DOP1A: variants seen among roughly 807,000 people sequenced by gnomAD.
The protein encoded by DOP1A is DOP1 leucine zipper like protein A, also known as protein DOP1A.
A neutral mutation model predicts 267.6 loss-of-function variants in DOP1A; 90 were observed. The ratio of observed to expected loss-of-function variants is 0.34; its 90% CI spans 0.28 to 0.40. The LOEUF is 0.40. Among genes scored for constraint, DOP1A ranks in the 10% least tolerant of loss-of-function variants. The pLI is 1.00. For synonymous variants in DOP1A, 932 were observed against 999.1 expected, an observed-to-expected ratio of 0.93 and a Z score of 1.27; for missense variants, 2,437 against 2,900.4, an observed-to-expected ratio of 0.84 and a Z score of 3.67.
intron 1 of DOP1A, among the ~76,000 whole-genome samples, chr6:83,068,869 C>T (rs1232520821): frequency 1.3e-5 from 2 of 152,198 alleles, no homozygotes; most frequent in Non-Finnish European, 2.9e-5. Context: ...CTTTCGGCCA[C>T]AACTGATAAC....
Position 83,138,078 on chromosome 6 carries a change from G to A in DOP1A, c.4036G>A (p.Glu1346Lys). ...SCGEGDISEI[E>K]SDMGSPGSRK... ...TGGAGAGGGAGACATTTCTGAAATT[G>A]AGAGTGACATGGGTTCTCCAGGATC... Residue 1346 changes from glutamate (E) to lysine (K), a missense_variant, in exon 21 of 39, where the codon GAG becomes AAG. Physicochemically the swap from Glu to Lys is moderately conservative, Grantham distance 56 (BLOSUM62 1). Around this residue, in one of 9 missense-constraint regions of DOP1A, gnomAD observed 878 missense variants for 992.9 expected, o/e 0.88. Coordinates refer to ENST00000349129, the MANE Select transcript of DOP1A (RefSeq NM_015018.4). The A allele has an allele frequency of 6.2e-7, 1 of 1,613,702 alleles. No homozygotes were observed. The highest frequency in any genetic ancestry group is 8.5e-7 in the Non-Finnish European group (1 of 1,179,802).
chr6:83,162,899 C>T lies in DOP1A; in HGVS notation c.7072C>T (p.Leu2358Phe). 1.2e-6 allele frequency: 2 copies of T among 1,612,550 alleles called. No individual in the cohort carries two copies. The highest frequency in any genetic ancestry group is 2.7e-5 in the African/African-American group (2 of 75,008). The change falls in exon 38 of 39, where the codon CTT becomes TTT. Residue 2358 changes from leucine to phenylalanine, a missense_variant. This residue lies in a region of DOP1A where 197 missense variants were observed against 246.5 expected (regional missense o/e 0.80). Coordinates refer to ENST00000349129, the MANE Select transcript of DOP1A (RefSeq NM_015018.4). Reference protein sequence around the residue: ...FKPYVVRLAKLLRKRAKKNPE... With the variant: ...FKPYVVRLAKFLRKRAKKNPE... ...ACCTTACGTGGTACGACTAGCAAAA[C>T]TTCTTCGGAAAAGAGCAAAGGTATC... is the stretch of plus-strand genomic sequence containing the variant.
chr6:83,159,372 C>T (rs1384615240), intron 36 of DOP1A, among the ~76,000 whole-genome samples: 2 of 151,894 alleles, frequency 1.3e-5, no homozygotes, highest in South Asian at 2.1e-4. Context: ...CTCCCAGGCT[C>T]GGGTGATTCC....
At chr6:83,070,237 C>T (rs182368065) in intron 1 of DOP1A, among the ~76,000 whole-genome samples, 1 of 152,128 alleles carries the variant, frequency 6.6e-6, no homozygotes, top group Non-Finnish European at 1.5e-5. Flanking sequence ...TGGAATAAAA[C>T]TATTAAGTAG....
chr6:83,126,368 C>T (rs1267773966), intron 15 of DOP1A, among the ~76,000 whole-genome samples: 1 of 151,996 alleles, frequency 6.6e-6, no homozygotes, highest in Non-Finnish European at 1.5e-5. Context: ...AGGCTTTAAA[C>T]TGTCTTTGGC....
At chr6:83,161,636 T>C (rs1320352895) in intron 37 of DOP1A, among the ~76,000 whole-genome samples, 1 of 152,196 alleles carries the variant, frequency 6.6e-6, no homozygotes, top group African/African-American at 2.4e-5. Flanking sequence ...CTCCTGAGTT[T>C]CCGATTAAAA....
chr6:83,089,118 T>C (rs1036117329), intron 1 of DOP1A, among the ~76,000 whole-genome samples: 1 of 152,210 alleles, frequency 6.6e-6, no homozygotes, highest in African/African-American at 2.4e-5. Context: ...CTTTTCTCTT[T>C]TCAGCCCTCC....
In DOP1A at chr6:83,141,952, G is replaced by A. The variant is rs1485195018; in HGVS notation, c.5447G>A (p.Gly1816Asp). The A allele has an allele frequency of 2.5e-6, 4 of 1,609,656 alleles. No homozygotes were observed. The highest frequency in any genetic ancestry group is 3.4e-6 in the Non-Finnish European group (4 of 1,178,598). The change falls in exon 24 of 39, where the codon GGC becomes GAC. Residue 1816 changes from glycine to aspartate, a missense_variant. By Grantham distance (94) the Gly-to-Asp change is moderately conservative. Transcript: ENST00000349129. ...NLRQQILELL[G>D]PISMNHGVHF... ...AGACAACAGATTCTTGAATTGTTGG[G>A]CCCCATTTCAATGAATCATGGTGTT...
chr6:83,068,326 GTGT>G (rs1562255338), intron 1 of DOP1A, among the ~76,000 whole-genome samples: 2 of 152,312 alleles, frequency 1.3e-5, no homozygotes, highest in South Asian at 2.1e-4. Flanking sequence ...AGTCAAACGG[GTGT>G]TGTTAACAAT....
At chr6:83,115,219 G>A (rs1282666385) in intron 7 of DOP1A, among the ~76,000 whole-genome samples, 3 of 152,080 alleles carry the variant, frequency 2.0e-5, no homozygotes, top group African/African-American at 4.8e-5. Flanking sequence ...GAAATAGATG[G>A]TGATATCAAT....
intron 15 of DOP1A, among the ~76,000 whole-genome samples, chr6:83,127,209 C>T (rs1777327201): frequency 6.6e-6 from 1 of 152,102 alleles, no homozygotes; most frequent in Non-Finnish European, 1.5e-5. Flanking sequence ...AATTCCAGTC[C>T]TTCTCATTCT....
At position 83,128,938 on chromosome 6, in the gene DOP1A, A is replaced by G. The variant is rs560255652; in HGVS notation, c.1771A>G (p.Asn591Asp). ...NPTEVFEDGE[N>D]PPSSRSSESG... is the part of the protein sequence containing the mutation. ...TACTGAAGTGTTTGAAGATGGAGAA[A>G]ATCCACCAAGTAGTCGATCATCAGA... is the stretch of plus-strand genomic sequence containing the variant. Residue 591 changes from asparagine to aspartate, a missense_variant, in exon 16 of 39, where the codon AAT becomes GAT. By Grantham distance (23) the Asn-to-Asp change is conservative (BLOSUM62 1). Coordinates refer to ENST00000349129, the MANE Select transcript of DOP1A (RefSeq NM_015018.4). The G allele has an allele frequency of 1.7e-5, 26 of 1,559,484 alleles. No homozygotes were observed. In the Middle Eastern group the frequency reaches 8.7e-4, roughly 52 times the overall value.
intron 1 of DOP1A, among the ~76,000 whole-genome samples, chr6:83,082,967 C>T (rs1027394664): frequency 6.6e-6 from 1 of 151,932 alleles, no homozygotes; most frequent in Non-Finnish European, 1.5e-5. Context: ...GCCACCACGC[C>T]CAGCTAATTT....
intron 16 of DOP1A, 91 bp downstream of exon 16, chr6:83,129,599 AG>A: frequency 8.0e-7 from 1 of 1,254,614 alleles, no homozygotes; most frequent in Non-Finnish European, 1.0e-6. Context: ...GGGTTTTTTT[AG>A]CCAGTTACTT....
At chr6:83,102,005 A>G (rs1240423725) in intron 4 of DOP1A, among the ~76,000 whole-genome samples, 3 of 152,196 alleles carry the variant, frequency 2.0e-5, no homozygotes, top group Admixed American at 6.5e-5. Context: ...GCCCTTGGTA[A>G]CAACTGTTTT....
intron 35 of DOP1A, among the ~76,000 whole-genome samples, chr6:83,158,293 A>G (rs1378509055): frequency 1.3e-5 from 2 of 152,036 alleles, no homozygotes; most frequent in Non-Finnish European, 2.9e-5. Flanking sequence ...GAGCCACCAC[A>G]CCAGACCTAT....
chr6:83,168,629 G>A, downstream of DOP1A: 2 of 996,076 alleles, frequency 2.0e-6, no homozygotes, highest in African/African-American at 1.7e-5. Flanking sequence ...CAAGAGCAGT[G>A]AAGAATAACT....
intron 4 of DOP1A, among the ~76,000 whole-genome samples, chr6:83,103,044 A>G (rs1344056420): frequency 3.3e-5 from 5 of 152,000 alleles, no homozygotes; most frequent in Non-Finnish European, 7.4e-5. Flanking sequence ...CTTCTTCCAC[A>G]TTTTTATCCC....
In DOP1A at chr6:83,154,061, T is replaced by C. The variant is rs1175491226; in HGVS notation, c.6389+18T>C. 4.3e-6 allele frequency: 7 copies of C among 1,613,716 alleles called. No homozygotes were observed. The highest frequency in any genetic ancestry group is 5.9e-6 in the Non-Finnish European group (7 of 1,179,892). ...GTTAATCAGTAAGTTGCCCTCTTAT[T>C]TGTATTCAGCATGATGCACCTCACA... On this transcript the variant is annotated intron_variant, in intron 32 of 38. Transcript: ENST00000349129.
Sources: gnomAD v4.1 joint callset for allele counts (sites outside exome capture counted in the v4.1 genomes callset) on GRCh38, gnomAD v4.1.1 for gene constraint, gnomAD v4.1.1 regional missense constraint, MANE v1.5 for transcripts, NCBI Gene and HGNC (gene_info 2026-07-23, HGNC 2026-07-21) for gene names.